Variants in LEKR1 observed in about 807,000 individuals in gnomAD.
The protein encoded by LEKR1 is leucine, glutamate and lysine rich 1.
In LEKR1, 59 loss-of-function variants were observed where a neutral mutation model predicts 72.4. The ratio of observed to expected loss-of-function variants is 0.82; its 90% CI spans 0.66 to 1.01. LEKR1 has a LOEUF of 1.01. LEKR1 is among the 50% of genes least tolerant of loss of function. The pLI is 0.00. For missense variants in LEKR1, 728 were observed against 759.2 expected, an observed-to-expected ratio of 0.96 and a Z score of 0.48; for synonymous variants, 257 against 263.2, an observed-to-expected ratio of 0.98 and a Z score of 0.23.
intron 4 of LEKR1, among the ~76,000 whole-genome samples, chr3:156,926,614 T>G (rs1206896088): frequency 6.6e-6 from 1 of 152,014 alleles, no homozygotes; most frequent in Admixed American, 6.6e-5. Context: ...GTCCAGTGTG[T>G]TATCCCTAGC....
chr3:156,961,334 G>C (rs1260257542), intron 6 of LEKR1, among the ~76,000 whole-genome samples: 1 of 152,100 alleles, frequency 6.6e-6, no homozygotes, highest in Non-Finnish European at 1.5e-5. Flanking sequence ...TGGTTTTTAG[G>C]ATATTTGCAG....
chr3:156,854,939 T>A (rs1026916128), intron 3 of LEKR1, among the ~76,000 whole-genome samples: 2 of 152,206 alleles, frequency 1.3e-5, no homozygotes, highest in African/African-American at 4.8e-5. Context: ...ATTGTTGTGC[T>A]GCTGACATTT....
In LEKR1 at chr3:156,829,387, A is replaced by G; in HGVS notation, c.48+10A>G. The stretch of plus-strand genomic sequence containing the variant: ...TGAAGAAATCCAAAAGGTATGATAT[A>G]TTGTGTTGCTACAGCCTAACAGTGG... On this transcript the variant is annotated intron_variant, in intron 2 of 12. Transcript: ENST00000356539. 6.6e-7 allele frequency: 1 copy of G among 1,526,562 alleles called. No individual in the cohort carries two copies. The highest frequency in any genetic ancestry group is 8.8e-7 in the Non-Finnish European group (1 of 1,139,476). The allele number at this position is 1,526,562 out of a possible 1,614,324, so 94.6% of individuals were successfully genotyped here.
chr3:156,886,432 G>A (rs953472180), intron 3 of LEKR1, among the ~76,000 whole-genome samples: 2 of 152,072 alleles, frequency 1.3e-5, no homozygotes, highest in Non-Finnish European at 2.9e-5. Flanking sequence ...ACTTGCTTGT[G>A]TCCATAGCAG....
intron 5 of LEKR1, 76 bp from the exon 6 acceptor site, chr3:156,942,453 G>A: frequency 2.2e-6 from 1 of 446,484 alleles, no homozygotes. Flanking sequence ...TTTTCTAAAA[G>A]AAACTAATCA....
rs1731266563 is a variant in LEKR1, at chr3:156,993,095, A to T, written c.927A>T (p.Glu309Asp). The T allele has an allele frequency of 6.2e-7, 1 of 1,602,624 alleles. No homozygotes were observed. The highest frequency in any genetic ancestry group is 8.5e-7 in the Non-Finnish European group (1 of 1,175,858). Reference protein sequence around the residue: ...SESQHTMLLKEKEDSLMTCQQ... With the variant: ...SESQHTMLLKDKEDSLMTCQQ... ...TTAGGCATACTATGCTGCTTAAGGA[A>T]AAAGAAGACTCTTTAATGACTTGTC... The change falls in exon 9 of 13, where the codon GAA becomes GAT. Residue 309 changes from glutamate (E) to aspartate (D), a missense_variant. Glu to Asp is a conservative substitution (Grantham distance 45, BLOSUM62 2). Coordinates refer to ENST00000356539, the MANE Select transcript of LEKR1 (RefSeq NM_001004316.3).
chr3:157,016,716 T>A (rs1013157188), intron 10 of LEKR1, among the ~76,000 whole-genome samples: 15 of 152,130 alleles, frequency 9.9e-5, no homozygotes, highest in Non-Finnish European at 1.9e-4. Flanking sequence ...TTTTTAAAAA[T>A]ATAATTGATG....
chr3:156,941,490 T>A (rs1726198423), intron 5 of LEKR1, among the ~76,000 whole-genome samples: 2 of 152,086 alleles, frequency 1.3e-5, no homozygotes, highest in Admixed American at 6.6e-5. Context: ...CCTATGTATC[T>A]CTACTTGTGG....
At chr3:156,991,247 G>T (rs1463716581) in intron 7 of LEKR1, among the ~76,000 whole-genome samples, 1 of 151,990 alleles carries the variant, frequency 6.6e-6, no homozygotes, top group African/African-American at 2.4e-5. Context: ...TTCTAGAGTA[G>T]CTGGTAAGGT....
intron 6 of LEKR1, among the ~76,000 whole-genome samples, chr3:156,949,919 T>C (rs1472638352): frequency 6.6e-6 from 1 of 151,328 alleles, no homozygotes; most frequent in Non-Finnish European, 1.5e-5. Flanking sequence ...AAATATACTT[T>C]AATTTTTGGC....
intron 12 of LEKR1, among the ~76,000 whole-genome samples, chr3:157,035,016 G>A (rs998682357): frequency 6.6e-6 from 1 of 152,114 alleles, no homozygotes; most frequent in African/African-American, 2.4e-5. Flanking sequence ...ATTGAAGCAA[G>A]ACCCTCCACC....
At chr3:156,940,496 T>A (rs1260195366) in intron 5 of LEKR1, among the ~76,000 whole-genome samples, 3 of 152,152 alleles carry the variant, frequency 2.0e-5, no homozygotes, top group Non-Finnish European at 4.4e-5. Context: ...GATCTTAATT[T>A]CTGAACCCCA....
At chr3:156,954,192 C>T (rs1165666861) in intron 6 of LEKR1, among the ~76,000 whole-genome samples, 1 of 151,784 alleles carries the variant, frequency 6.6e-6, no homozygotes, top group African/African-American at 2.4e-5. Context: ...TGTTCTTTGC[C>T]TACTTTTTAA....
chr3:156,935,472 AAC>A (rs1345234520), intron 5 of LEKR1, among the ~76,000 whole-genome samples: 1 of 152,196 alleles, frequency 6.6e-6, no homozygotes, highest in Non-Finnish European at 1.5e-5. Flanking sequence ...TTGCCTTTTT[AAC>A]AGTTTCTTTG....
Position 157,045,789 on chromosome 3 carries a change from G to C in LEKR1, c.*39G>C, listed in dbSNP as rs1346315499. 1.9e-6 allele frequency: 3 copies of C among 1,543,906 alleles called. No individual in the cohort carries two copies. In the African/African-American group the frequency reaches 4.1e-5, roughly 21 times the overall value. ...GCAGGAAGCTCCCTACAGCGTGCAC[G>C]CTCTTTCAGAGAGTGCCAGGAATTC... On this transcript the variant is annotated 3_prime_UTR_variant, in exon 13 of 13. Coordinates refer to ENST00000356539, the MANE Select transcript of LEKR1 (RefSeq NM_001004316.3).
At chr3:157,000,645 A>T (rs12487360) in intron 9 of LEKR1, among the ~76,000 whole-genome samples, 3,456 of 152,290 alleles carry the variant, frequency 0.023, 83 homozygotes, top group East Asian at 0.1. Context: ...ATCTTAAAGC[A>T]CCATGTCTTA....
At chr3:156,917,827 T>C (rs1235833667) in intron 3 of LEKR1, among the ~76,000 whole-genome samples, 2 of 152,014 alleles carry the variant, frequency 1.3e-5, no homozygotes, top group African/African-American at 4.8e-5. Flanking sequence ...TGAGGACAGT[T>C]CCTGAAGTGA....
At chr3:156,958,964 C>A (rs1271295825) in intron 6 of LEKR1, among the ~76,000 whole-genome samples, 2 of 152,154 alleles carry the variant, frequency 1.3e-5, no homozygotes, top group Admixed American at 6.6e-5. Context: ...TAATGAACTT[C>A]AGCCATCTTC....
chr3:156,959,963 A>G (rs540515330), intron 6 of LEKR1, among the ~76,000 whole-genome samples: 1 of 152,066 alleles, frequency 6.6e-6, no homozygotes, highest in Admixed American at 6.6e-5. Flanking sequence ...CATGTTCCCT[A>G]CCAATGTGGT....
Sources: gnomAD v4.1 joint callset for allele counts (sites outside exome capture counted in the v4.1 genomes callset) on GRCh38, gnomAD v4.1.1 for gene constraint, MANE v1.5 for transcripts, NCBI Gene and HGNC (gene_info 2026-07-23, HGNC 2026-07-21) for gene names.